The following MEI4 variants were observed in gnomAD, a reference collection of about 807,000 sequenced individuals.
The protein encoded by MEI4 is meiotic double-stranded break formation protein 4.
MEI4 carries 27 observed loss-of-function variants against 31.4 expected under a neutral mutation model. The observed-to-expected ratio is 0.86, with a 90% CI of 0.63 to 1.19. MEI4 has a LOEUF of 1.19. Among genes scored for constraint, MEI4 ranks in the 50% most tolerant of loss-of-function variants. The pLI, the probability that MEI4 is intolerant of heterozygous loss-of-function variation, is 0.00. For synonymous variants in MEI4, 122 were observed against 145.4 expected (o/e 0.84, Z 1.16); for missense variants, 329 against 398.9 (o/e 0.82, Z 1.49).
At chr6:77,841,333 A>ATATATATTTT in intron 4 of MEI4, among the ~76,000 whole-genome samples, 7 of 27,736 alleles carry the variant, frequency 2.5e-4, no homozygotes, top group African/African-American at 1.6e-3. Flanking sequence ...ATATATATAT[A>ATATATATTTT]TTTTTTTTTT....
chr6:77,755,423 C>G lies in MEI4; in HGVS notation c.233-5707C>G, dbSNP rs142234682. The stretch of plus-strand genomic sequence containing the variant: ...ACTCTGTAGGTTTTGTTTATTCATA[C>G]TTTTTTTTTTTCTAAGACAGAGTCT... On this transcript the variant is annotated intron_variant, in intron 2 of 4. Coordinates refer to ENST00000684080, the MANE Select transcript of MEI4 (RefSeq NM_001322247.2). Among the ~76,000 whole-genome samples the G allele has an allele frequency of 5.2e-3, 774 of 147,626 alleles. 7 individuals are homozygous for G. Among genetic ancestry groups the G allele is most frequent in the African/African-American group, 0.018 (731 of 40,514 alleles).
chr6:77,742,088 A>G (rs569421723), intron 2 of MEI4, among the ~76,000 whole-genome samples: 1 of 152,192 alleles, frequency 6.6e-6, no homozygotes, highest in African/African-American at 2.4e-5. Context: ...ATACGTGTGC[A>G]TGTGTCTTTA....
At chr6:77,707,192 C>T (rs772654418) in intron 2 of MEI4, among the ~76,000 whole-genome samples, 30 of 152,006 alleles carry the variant, frequency 2.0e-4, no homozygotes, top group East Asian at 3.9e-4. Context: ...AGGCCTCAGA[C>T]GGAAATGAGG....
chr6:77,746,039 C>G (rs1414034790), intron 2 of MEI4, among the ~76,000 whole-genome samples: 1 of 151,802 alleles, frequency 6.6e-6, no homozygotes, highest in Non-Finnish European at 1.5e-5. Flanking sequence ...AAATTGACAC[C>G]CTAACATCAC....
intron 3 of MEI4, among the ~76,000 whole-genome samples, chr6:77,786,834 A>G (rs1368195037): frequency 6.6e-6 from 1 of 152,190 alleles, no homozygotes; most frequent in African/African-American, 2.4e-5. Context: ...GACTAAAAAT[A>G]AAAATAATAT....
At chr6:77,865,016 A>T (rs1317310418) in intron 4 of MEI4, among the ~76,000 whole-genome samples, 1 of 152,234 alleles carries the variant, frequency 6.6e-6, no homozygotes, top group Non-Finnish European at 1.5e-5. Context: ...AGAAGTAAAT[A>T]TGTTCTTTGA....
At position 77,810,106 on chromosome 6, in the gene MEI4, C is replaced by T. The variant is rs142749967; in HGVS notation, c.769-18825C>T. On this transcript the variant is annotated intron_variant, in intron 3 of 4. Coordinates refer to ENST00000684080, the MANE Select transcript of MEI4 (RefSeq NM_001322247.2). ...CTAAATCAATGCATGCTGAGCAAGT[C>T]TGGCTCCTATATGTTGCCCACCATC... Among the ~76,000 whole-genome samples, 214 of 152,282 alleles carry T rather than the reference C, an allele frequency of 1.4e-3. 1 individual carries two copies. Among genetic ancestry groups the T allele is most frequent in the African/African-American group, 4.5e-3 (187 of 41,566 alleles).
intron 4 of MEI4, among the ~76,000 whole-genome samples, chr6:77,831,623 T>C (rs1770084358): frequency 6.6e-6 from 1 of 151,670 alleles, no homozygotes; most frequent in African/African-American, 2.4e-5. Flanking sequence ...GATGGAACTG[T>C]AGGTGATTAT....
intron 4 of MEI4, among the ~76,000 whole-genome samples, chr6:77,883,185 G>A (rs1771529300): frequency 6.6e-6 from 1 of 151,870 alleles, no homozygotes; most frequent in African/African-American, 2.4e-5. Flanking sequence ...CTTTTTTAAT[G>A]TATACATAAT....
At chr6:77,721,185 C>T (rs1428066802) in intron 2 of MEI4, among the ~76,000 whole-genome samples, 13 of 118,474 alleles carry the variant, frequency 1.1e-4, no homozygotes, top group Admixed American at 3.4e-4. Context: ...ACTGGAAGAT[C>T]TTTGTTTTTG....
rs562599559 is a variant in MEI4 at position 77,754,736 on chromosome 6, A to T, written c.233-6394A>T. Among the ~76,000 whole-genome samples the T allele has an allele frequency of 2.6e-5, 4 of 152,316 alleles. No homozygotes were observed. In the South Asian group the frequency reaches 8.3e-4, roughly 32 times the overall value. ...ATTTCCACATGGCTGGGGTGGCCTC[A>T]GGGAACCCACAATCATGGTGGAAGG... On this transcript the variant is annotated intron_variant, in intron 2 of 4. Transcript: ENST00000684080.
At chr6:77,788,124 G>A (rs7744227) in intron 3 of MEI4, among the ~76,000 whole-genome samples, 20,954 of 152,136 alleles carry the variant, frequency 0.14, 1,534 homozygotes, top group Middle Eastern at 0.21. Context: ...ATGTAATCCA[G>A]CATATAAACA....
chr6:77,919,254 C>G (rs1349068847), intron 4 of MEI4, among the ~76,000 whole-genome samples: 2 of 152,010 alleles, frequency 1.3e-5, no homozygotes, highest in African/African-American at 2.4e-5. Context: ...GGAAGTAAAG[C>G]TCTCCTCAGC....
chr6:77,780,638 A>G (rs556020518), intron 3 of MEI4, among the ~76,000 whole-genome samples: 1 of 152,162 alleles, frequency 6.6e-6, no homozygotes, highest in African/African-American at 2.4e-5. Flanking sequence ...TAATCTGTTA[A>G]TTAATCTACT....
intron 4 of MEI4, among the ~76,000 whole-genome samples, chr6:77,898,506 G>T (rs1315571833): frequency 6.6e-6 from 1 of 151,932 alleles, no homozygotes; most frequent in Non-Finnish European, 1.5e-5. Flanking sequence ...ATATGGCTGT[G>T]CTCCTTGACT....
chr6:77,842,364 A>C (rs934748843), intron 4 of MEI4, among the ~76,000 whole-genome samples: 2 of 152,196 alleles, frequency 1.3e-5, no homozygotes, highest in Admixed American at 1.3e-4. Context: ...TTGAAGTGAA[A>C]GTATGACATG....
intron 4 of MEI4, among the ~76,000 whole-genome samples, chr6:77,917,170 T>C (rs370178276): frequency 3.3e-5 from 5 of 152,128 alleles, no homozygotes; most frequent in African/African-American, 1.2e-4. Flanking sequence ...CAGTCTATCA[T>C]TGTTGGACAT....
intron 3 of MEI4, among the ~76,000 whole-genome samples, chr6:77,778,451 AG>A (rs1029040594): frequency 3.3e-5 from 5 of 152,100 alleles, no homozygotes; most frequent in African/African-American, 1.2e-4. Flanking sequence ...CTGTAATTCC[AG>A]CACTCTGGAA....
At chr6:77,739,097 C>A (rs1188064914) in intron 2 of MEI4, among the ~76,000 whole-genome samples, 2 of 152,102 alleles carry the variant, frequency 1.3e-5, no homozygotes, top group Admixed American at 6.6e-5. Context: ...AGATCCCATT[C>A]ATCAATTTTG....
Sources: allele counts gnomAD v4.1 joint callset (sites outside exome capture counted in the v4.1 genomes callset), GRCh38; gene constraint gnomAD v4.1.1; transcripts MANE v1.5; gene names NCBI Gene and HGNC (gene_info 2026-07-23, HGNC 2026-07-21).